SASH1: variants seen among roughly 807,000 people sequenced by gnomAD.
SASH1 encodes SAM and SH3 domain-containing protein 1.
SASH1 carries 44 observed loss-of-function variants against 125.2 expected under a neutral mutation model. The ratio of observed to expected loss-of-function variants is 0.35; its 90% CI spans 0.28 to 0.45. The LOEUF is 0.45. SASH1 is among the 20% of genes least tolerant of loss of function. SASH1 has a pLI of 1.00. For missense variants in SASH1, 1,426 were observed against 1,614.5 expected, an observed-to-expected ratio of 0.88 and a Z score of 2.00; for synonymous variants, 639 against 649.1, an observed-to-expected ratio of 0.98 and a Z score of 0.24.
chr6:148,367,593 G>A lies in SASH1; in HGVS notation c.157-22541G>A, dbSNP rs140587768. 3.3e-5 allele frequency among the ~76,000 whole-genome samples: 5 copies of A among 152,350 alleles called. No individual in the cohort carries two copies. In the East Asian group the frequency reaches 9.7e-4, roughly 29 times the overall value. On this transcript the variant is annotated intron_variant, in intron 1 of 19. Transcript: ENST00000367467. ...GGTGGACCAGGGTGAAGCAGGATGT[G>A]ATGACACGCAGCCCTCCTGCCCTCT...
At chr6:148,540,738 G>T (rs1199123373) in intron 17 of SASH1, among the ~76,000 whole-genome samples, 182 bp downstream of exon 17, 2 of 152,172 alleles carry the variant, frequency 1.3e-5, no homozygotes, top group Non-Finnish European at 2.9e-5. Flanking sequence ...GCTGGGTGAG[G>T]TTAATAAATT....
chr6:148,417,136 C>A (rs1200364195), intron 2 of SASH1, among the ~76,000 whole-genome samples: 3 of 152,056 alleles, frequency 2.0e-5, no homozygotes, highest in Non-Finnish European at 2.9e-5. Flanking sequence ...TGTGCAGTTA[C>A]CAGAACAAGG....
chr6:148,385,375 A>G (rs924458263), intron 1 of SASH1, among the ~76,000 whole-genome samples: 3 of 152,228 alleles, frequency 2.0e-5, no homozygotes, highest in African/African-American at 7.2e-5. Flanking sequence ...ACAGAACTGA[A>G]GTGAAGAGTT....
At chr6:148,354,383 A>C (rs963688769) in intron 1 of SASH1, among the ~76,000 whole-genome samples, 11 of 152,228 alleles carry the variant, frequency 7.2e-5, no homozygotes, top group Non-Finnish European at 1.6e-4. Context: ...AGAAACATGT[A>C]AAATATTAAA....
chr6:148,373,696 G>C (rs977652539), intron 1 of SASH1, among the ~76,000 whole-genome samples: 1 of 152,118 alleles, frequency 6.6e-6, no homozygotes, highest in African/African-American at 2.4e-5. Flanking sequence ...TGGGCTGGGC[G>C]CAGTGGCTCA....
At chr6:148,435,486 T>C (rs1211706372) in intron 2 of SASH1, among the ~76,000 whole-genome samples, 1 of 152,142 alleles carries the variant, frequency 6.6e-6, no homozygotes, top group Non-Finnish European at 1.5e-5. Context: ...CATTTCTTCA[T>C]GTCCCTTTGC....
At chr6:148,252,112 G>A in the SASH1 span, among the ~76,000 whole-genome samples, 9 of 151,944 alleles carry the variant, frequency 5.9e-5, 1 homozygote, top group African/African-American at 9.7e-5. Flanking sequence ...TAGTCTTGAC[G>A]TATGACTTTG....
At chr6:148,307,062 TTCTTTCTTTCTTTCTTTCTTTC>T (rs1248950425) in intron 1 of SASH1, among the ~76,000 whole-genome samples, 1 of 147,368 alleles carries the variant, frequency 6.8e-6, no homozygotes, top group African/African-American at 2.6e-5. Context: ...CTTTCTTTCT[TTCTTTCTTTCTTTCTTTCTTTC>T]TTTCTTTCTT....
chr6:148,360,081 A>G (rs912378633), intron 1 of SASH1, among the ~76,000 whole-genome samples: 3 of 151,976 alleles, frequency 2.0e-5, no homozygotes, highest in African/African-American at 7.2e-5. Flanking sequence ...TTTCTTTACA[A>G]ACCAAAGGAA....
chr6:148,226,755 A>G, the SASH1 span, among the ~76,000 whole-genome samples: 1 of 152,164 alleles, frequency 6.6e-6, no homozygotes, highest in Non-Finnish European at 1.5e-5. Context: ...TCTGATTTCC[A>G]GTGGTAGAAG....
chr6:148,522,071 A>G (rs1476458790), intron 10 of SASH1, among the ~76,000 whole-genome samples: 2 of 152,226 alleles, frequency 1.3e-5, no homozygotes, highest in African/African-American at 4.8e-5. Context: ...GAGTATGGAC[A>G]TTTGGGCAAG....
At chr6:148,536,259 C>G (rs935203278) in intron 16 of SASH1, among the ~76,000 whole-genome samples, 1 of 152,144 alleles carries the variant, frequency 6.6e-6, no homozygotes, top group Non-Finnish European at 1.5e-5. Context: ...TCTATTGTCC[C>G]GAACCACATC....
At chr6:148,496,918 A>G (rs1054740836) in intron 8 of SASH1, among the ~76,000 whole-genome samples, 7 of 152,128 alleles carry the variant, frequency 4.6e-5, no homozygotes, top group Non-Finnish European at 8.8e-5. Flanking sequence ...ATATAAAATA[A>G]TGTATACTGA....
chr6:148,457,632 A>G (rs967187093), intron 4 of SASH1, among the ~76,000 whole-genome samples: 1 of 152,188 alleles, frequency 6.6e-6, no homozygotes, highest in African/African-American at 2.4e-5. Context: ...AGCCAGACCA[A>G]TGCTTTGTGG....
chr6:148,378,426 C>T (rs1368733257), intron 1 of SASH1, among the ~76,000 whole-genome samples: 1 of 151,894 alleles, frequency 6.6e-6, no homozygotes, highest in African/African-American at 2.4e-5. Context: ...ACGATGTTGG[C>T]TCACTGCAGC....
chr6:148,526,044 G>GTTT (rs1781129183), intron 11 of SASH1, among the ~76,000 whole-genome samples: 1 of 116,512 alleles, frequency 8.6e-6, no homozygotes, highest in African/African-American at 3.3e-5. Context: ...GTGAAGGTGA[G>GTTT]TCTTTTTTTT....
At chr6:148,440,588 C>T (rs537402617) in intron 4 of SASH1, 181 bp downstream of exon 4, 2 of 595,672 alleles carry the variant, frequency 3.4e-6, no homozygotes, top group East Asian at 2.8e-5. Context: ...TTTTGTAATG[C>T]AGTTGGTGAT....
intron 1 of SASH1, among the ~76,000 whole-genome samples, chr6:148,348,415 T>C (rs1781588046): frequency 1.3e-5 from 2 of 152,348 alleles, no homozygotes; most frequent in Admixed American, 1.3e-4. Context: ...TGCTGTTCTC[T>C]ACCTTGTCTT....
At chr6:148,296,851 G>T (rs546107884) in intron 1 of SASH1, among the ~76,000 whole-genome samples, 16 of 152,318 alleles carry the variant, frequency 1.1e-4, no homozygotes, top group Non-Finnish European at 1.5e-4. Context: ...TTACTACTCT[G>T]CCCTCACTGT....
Sources: allele counts gnomAD v4.1 joint callset (sites outside exome capture counted in the v4.1 genomes callset), GRCh38; gene constraint gnomAD v4.1.1; transcripts MANE v1.5; gene names NCBI Gene and HGNC (gene_info 2026-07-23, HGNC 2026-07-21).